Variants in ZNF516 observed in about 807,000 individuals in gnomAD.
ZNF516 encodes zinc finger protein 516.
ZNF516 carries 19 observed loss-of-function variants against 79.7 expected under a neutral mutation model. That is an observed-to-expected ratio of 0.24 (90% confidence interval 0.17 to 0.35). ZNF516 has a LOEUF of 0.35. ZNF516 is among the 10% of genes least tolerant of loss of function. The pLI is 1.00. For missense variants in ZNF516, 1,678 were observed against 1,679.5 expected (o/e 1.00, Z 0.02); for synonymous variants, 877 against 739.5 (o/e 1.19, Z -3.02).
In ZNF516 at chr18:76,441,581, G is replaced by A. The variant is rs1413238832; in HGVS notation, c.1474C>T (p.His492Tyr). The stretch of plus-strand genomic sequence containing the variant: ...CGCGCGGCCGAGCGGGGATCGAGGT[G>A]GCCGGCGGGCGCGGGGTCCCCAGGC... ...SGPGDPAPAGHLDPRSAARPN... is the reference protein window; with the variant it reads ...SGPGDPAPAGYLDPRSAARPN... Residue 492 changes from histidine (H) to tyrosine (Y), a missense_variant, in exon 3 of 7, where the codon CAC (histidine) becomes TAC (tyrosine). By Grantham distance (83) the His-to-Tyr change is moderately conservative (BLOSUM62 2). Transcript: ENST00000443185. The A allele has an allele frequency of 2.1e-6, 3 of 1,442,136 alleles. No homozygotes were observed. Among genetic ancestry groups the A allele is most frequent in the Non-Finnish European group, 2.7e-6 (3 of 1,101,868 alleles). The allele number at this position is 1,442,136 out of a possible 1,614,324, so 89.3% of individuals were successfully genotyped here.
chr18:76,460,356 G>GTTACC (rs1161683654), intron 2 of ZNF516, among the ~76,000 whole-genome samples: 1 of 152,114 alleles, frequency 6.6e-6, no homozygotes, highest in Non-Finnish European at 1.5e-5. Flanking sequence ...CTGCCTCCCT[G>GTTACC]TTACCACCTT....
intron 2 of ZNF516, among the ~76,000 whole-genome samples, chr18:76,457,206 T>C (rs1052836709): frequency 1.3e-5 from 2 of 152,264 alleles, no homozygotes; most frequent in Non-Finnish European, 2.9e-5. Context: ...GTAAGATTCC[T>C]TTCTGGAAAG....
intron 1 of ZNF516, among the ~76,000 whole-genome samples, chr18:76,480,488 TAC>T (rs139552059): frequency 2.1e-3 from 289 of 138,852 alleles, no homozygotes; most frequent in African/African-American, 3.4e-3. Flanking sequence ...CACACACATA[TAC>T]ACATACACAC....
chr18:76,495,791 G>A, upstream of ZNF516: 9 of 1,113,062 alleles, frequency 8.1e-6, no homozygotes, highest in South Asian at 5.3e-5. Context: ...TCCCAGGTGC[G>A]TGTGCATTAC....
intron 3 of ZNF516, chr18:76,386,481 C>T (rs1010063946): frequency 4.6e-5 from 7 of 152,180 alleles, no homozygotes; most frequent in Non-Finnish European, 1.5e-5. Flanking sequence ...AATGGCACTA[C>T]TTTTATAAAG....
intron 3 of ZNF516, among the ~76,000 whole-genome samples, chr18:76,409,789 A>C (rs747312199): frequency 6.6e-5 from 10 of 152,126 alleles, no homozygotes; most frequent in Non-Finnish European, 1.3e-4. Context: ...ACATGTCCCC[A>C]AATTGGAGGC....
At chr18:76,475,796 G>A (rs1041150849) in intron 1 of ZNF516, among the ~76,000 whole-genome samples, 4 of 152,060 alleles carry the variant, frequency 2.6e-5, no homozygotes, top group East Asian at 1.9e-4. Context: ...GAAATGTTAC[G>A]CAAAATTAAA....
At chr18:76,448,434 A>C (rs1912193986) in intron 2 of ZNF516, among the ~76,000 whole-genome samples, 1 of 152,244 alleles carries the variant, frequency 6.6e-6, no homozygotes, top group Non-Finnish European at 1.5e-5. Context: ...ACTTCCTGAC[A>C]CACGCCCCGG....
chr18:76,397,787 G>C (rs1032066177), intron 3 of ZNF516, among the ~76,000 whole-genome samples: 1 of 152,124 alleles, frequency 6.6e-6, no homozygotes, highest in Non-Finnish European at 1.5e-5. Flanking sequence ...TTTTTGTAGA[G>C]ATGGGTCTCA....
chr18:76,379,679 C>G lies in ZNF516; in HGVS notation c.2435G>C (p.Arg812Pro). The G allele has an allele frequency of 1.9e-6, 3 of 1,613,612 alleles. No individual in the cohort carries two copies. The highest frequency in any genetic ancestry group is 2.5e-6 in the Non-Finnish European group (3 of 1,179,880). Residue 812 changes from arginine (R) to proline (P), a missense_variant, in exon 4 of 7, where the codon CGG becomes CCG. Physicochemically the swap from Arg to Pro is moderately radical, Grantham distance 103 (BLOSUM62 -2). Transcript: ENST00000443185. Reference sequence around the variant, plus strand: ...AGGCGGGGGGCCCGTGCGTCCGCTCCGGGAAAGGAAAACCAAATTGCTTCT... The same window carrying G: ...AGGCGGGGGGCCCGTGCGTCCGCTCGGGGAAAGGAAAACCAAATTGCTTCT... ...SIRSNLVFLS[R>P]SGRTGPPPAL...
intron 3 of ZNF516, among the ~76,000 whole-genome samples, chr18:76,407,412 C>T (rs1254432849): frequency 6.6e-6 from 1 of 152,152 alleles, no homozygotes; most frequent in Non-Finnish European, 1.5e-5. Context: ...GCGACAGAGA[C>T]CCTGTCTCAT....
chr18:76,480,656 G>C (rs1216980245), intron 1 of ZNF516, among the ~76,000 whole-genome samples: 1 of 151,916 alleles, frequency 6.6e-6, no homozygotes, highest in Non-Finnish European at 1.5e-5. Flanking sequence ...CCAAGTAGCT[G>C]GGATTACAGG....
At chr18:76,405,845 A>G (rs1447598364) in intron 3 of ZNF516, among the ~76,000 whole-genome samples, 2 of 151,902 alleles carry the variant, frequency 1.3e-5, no homozygotes, top group Non-Finnish European at 1.5e-5. Flanking sequence ...AAGGCGACTC[A>G]CCTTCCTTTG....
At chr18:76,374,667 T>C (rs79745900) in intron 4 of ZNF516, among the ~76,000 whole-genome samples, 3,061 of 152,298 alleles carry the variant, frequency 0.02, 100 homozygotes, top group African/African-American at 0.07. Flanking sequence ...CCACAACTAT[T>C]GCATGTACAC....
intron 1 of ZNF516, among the ~76,000 whole-genome samples, chr18:76,484,272 G>C (rs1253163940): frequency 3.3e-5 from 5 of 152,214 alleles, no homozygotes; most frequent in Non-Finnish European, 7.3e-5. Flanking sequence ...TTCAGTACCT[G>C]TAAAATGTCA....
chr18:76,395,284 C>T (rs1008435682), intron 3 of ZNF516, among the ~76,000 whole-genome samples: 4 of 152,206 alleles, frequency 2.6e-5, no homozygotes, highest in East Asian at 1.9e-4. Flanking sequence ...CCGTCCTAAA[C>T]GAGCATCTCC....
chr18:76,402,366 C>T (rs1262082365), intron 3 of ZNF516, among the ~76,000 whole-genome samples: 1 of 151,340 alleles, frequency 6.6e-6, no homozygotes, highest in Non-Finnish European at 1.5e-5. Context: ...GTCCCACAGG[C>T]CCCTTCAGCT....
chr18:76,401,560 G>GCTT (rs1184313818), intron 3 of ZNF516, among the ~76,000 whole-genome samples: 3 of 151,982 alleles, frequency 2.0e-5, no homozygotes, highest in Non-Finnish European at 4.4e-5. Context: ...CCGCCCACGG[G>GCTT]CTTCTCCGAG....
chr18:76,398,421 C>G (rs2075173576), intron 3 of ZNF516, among the ~76,000 whole-genome samples: 1 of 152,166 alleles, frequency 6.6e-6, no homozygotes, highest in African/African-American at 2.4e-5. Context: ...CGAATCTTTC[C>G]TTGTATGACG....
Sources: gnomAD v4.1 joint callset for allele counts (sites outside exome capture counted in the v4.1 genomes callset) on GRCh38, gnomAD v4.1.1 for gene constraint, MANE v1.5 for transcripts, NCBI Gene and HGNC (gene_info 2026-07-23, HGNC 2026-07-21) for gene names.